ZFP30: variants seen among roughly 807,000 people sequenced by gnomAD.
ZFP30 encodes ZFP30 zinc finger protein.
A neutral mutation model predicts 12.3 loss-of-function variants in ZFP30; 16 were observed. That is an observed-to-expected ratio of 1.30 (90% CI 0.88 to 1.98). The LOEUF (loss-of-function observed/expected upper bound fraction) is 1.98. Among genes scored for constraint, ZFP30 ranks in the 30% most tolerant of loss-of-function variants. ZFP30 has a pLI of 0.00. For missense variants in ZFP30, 560 were observed against 611.2 expected (o/e 0.92, Z 0.88); for synonymous variants, 172 against 201.0 (o/e 0.86, Z 1.22).
Position 37,635,085 on chromosome 19 carries a change from T to C in ZFP30, c.1456A>G (p.Arg486Gly), listed in dbSNP as rs765733938. ...TATGGTTTCTCACCAGAATGAATTC[T>C]CTGATGTTGAATCAGTGATGAATGA... ...RLHSSLIQHQRIHSGEKPYKC... is the reference protein window; with the variant it reads ...RLHSSLIQHQGIHSGEKPYKC... The change falls in exon 6 of 6, where the codon AGA (arginine) becomes GGA (glycine). Residue 486 changes from arginine (R) to glycine (G), a missense_variant. Arg to Gly is a moderately radical substitution (Grantham distance 125). Coordinates refer to ENST00000684514, the MANE Select transcript of ZFP30 (RefSeq NM_001320669.3). 1 of 1,613,456 alleles carries C rather than the reference T, an allele frequency of 6.2e-7. No homozygotes were observed. Among genetic ancestry groups the C allele is most frequent in the African/African-American group, 1.3e-5 (1 of 74,922 alleles).
intron 2 of ZFP30, among the ~76,000 whole-genome samples, chr19:37,654,441 G>A (rs1305007267): frequency 6.6e-6 from 1 of 152,134 alleles, no homozygotes; most frequent in African/African-American, 2.4e-5. Flanking sequence ...TCCAGCACGG[G>A]TATTTCCATA....
chr19:37,644,475 A>G (rs2016811719), intron 4 of ZFP30, 135 bp downstream of exon 4: 5 of 905,240 alleles, frequency 5.5e-6, no homozygotes, highest in Non-Finnish European at 8.0e-6. Context: ...TAGAGGTTGC[A>G]GTAAGCCAAG....
intron 5 of ZFP30, among the ~76,000 whole-genome samples, chr19:37,642,571 T>C (rs1599620381): frequency 6.6e-6 from 1 of 152,198 alleles, no homozygotes; most frequent in Non-Finnish European, 1.5e-5. Flanking sequence ...ACTTGTTTAC[T>C]GTGTGACTCC....
rs773104269 is a variant in ZFP30 at position 37,644,699 on chromosome 19, GA to G, written c.46del (p.Ser16LeufsTer8). Reference protein sequence around the residue: ...VMFRDVAVDFSQEEWECLNSY... With the variant: ...VMFRDVAVDFXQEEWECLNSY... ...GTTCAGGCATTCCCATTCTTCCTGA[GA>G]AAAGTCTACAGCCACATCTCTGAAC... is the stretch of plus-strand genomic sequence containing the variant. On this transcript the variant is annotated frameshift_variant, in exon 4 of 6. Transcript: ENST00000684514. LOFTEE classifies it high-confidence loss of function. The G allele has an allele frequency of 1.9e-6, 3 of 1,613,502 alleles. No homozygotes were observed. The highest frequency in any genetic ancestry group is 2.7e-5 in the African/African-American group (2 of 74,880).
intron 2 of ZFP30, among the ~76,000 whole-genome samples, chr19:37,654,454 A>G (rs983819458): frequency 2.6e-5 from 4 of 152,234 alleles, no homozygotes; most frequent in African/African-American, 9.6e-5. Flanking sequence ...TTTCCATATC[A>G]TCAAGATCCT....
rs114467577 is a variant in ZFP30, at chr19:37,638,597, G to A, written c.236-2292C>T. Among the ~76,000 whole-genome samples the A allele has an allele frequency of 3.2e-3, 482 of 152,240 alleles. 5 individuals carry two copies. The highest frequency in any genetic ancestry group is 0.011 in the African/African-American group (443 of 41,538). ...GAAAGAGTCCAAGTGTTCATCAATG[G>A]AAGAACAGCTAATAAATGATGGCAT... On this transcript the variant is annotated intron_variant, in intron 5 of 5. Transcript: ENST00000684514.
chr19:37,651,067 A>G (rs1285734061), intron 2 of ZFP30, among the ~76,000 whole-genome samples: 1 of 152,104 alleles, frequency 6.6e-6, no homozygotes, highest in Non-Finnish European at 1.5e-5. Context: ...TCTATTTCAG[A>G]GTAAATCAGT....
chr19:37,644,424 C>A (rs2044498271), intron 4 of ZFP30, 186 bp downstream of exon 4: 1 of 445,160 alleles, frequency 2.2e-6, no homozygotes, highest in Non-Finnish European at 3.9e-6. Context: ...GTCCCAGCTA[C>A]TCGGGAGGCT....
In ZFP30 at chr19:37,636,117, G is replaced by C. The variant is rs748516605; in HGVS notation, c.424C>G (p.Leu142Val). ...TSEKMPTYRK[L>V]TSLPLYQKSH... The stretch of plus-strand genomic sequence containing the variant: ...TTCTGATACAGAGGAAGAGATGTGA[G>C]TTTTCTGTAAGTAGGCATTTTTTCA... Residue 142 changes from leucine to valine, a missense_variant, in exon 6 of 6, where the codon CTC (leucine) becomes GTC (valine). Physicochemically the swap from Leu to Val is conservative, Grantham distance 32. Transcript: ENST00000684514. 6.2e-7 allele frequency: 1 copy of C among 1,614,170 alleles called. No individual in the cohort carries two copies. The highest frequency in any genetic ancestry group is 1.1e-5 in the South Asian group (1 of 91,082).
chr19:37,650,721 A>G (rs1171770327), intron 2 of ZFP30, among the ~76,000 whole-genome samples: 1 of 151,324 alleles, frequency 6.6e-6, no homozygotes. Flanking sequence ...TTGTCCTTTC[A>G]ATATGATTTT....
At chr19:37,646,084 C>T (rs1000743002) in intron 3 of ZFP30, among the ~76,000 whole-genome samples, 13 of 152,074 alleles carry the variant, frequency 8.5e-5, no homozygotes, top group East Asian at 7.7e-4. Flanking sequence ...AGTAGCATGA[C>T]GAAATCTCAC....
rs1235717281 is a variant in ZFP30 at position 37,635,927 on chromosome 19, T to C, written c.614A>G (p.Gln205Arg). The C allele has an allele frequency of 1.2e-6, 2 of 1,614,232 alleles. No homozygotes were observed. Among genetic ancestry groups the C allele is most frequent in the African/African-American group, 1.3e-5 (1 of 75,080 alleles). Residue 205 changes from glutamine to arginine, a missense_variant, in exon 6 of 6, where the codon CAG becomes CGG. Gln to Arg is a conservative substitution (Grantham distance 43). Transcript: ENST00000684514. Reference sequence around the variant, plus strand: ...GAGTTTGTCAGAAGTATGAATTCTCTGATGTCGACTGAGGTGGGCACACTG... The same window carrying C: ...GAGTTTGTCAGAAGTATGAATTCTCCGATGTCGACTGAGGTGGGCACACTG... ...FRQCAHLSRH[Q>R]RIHTSDKLYE...
upstream of ZFP30, chr19:37,656,003 G>T (rs575032324): frequency 1.3e-5 from 2 of 152,552 alleles, no homozygotes; most frequent in African/African-American, 4.8e-5. Flanking sequence ...TAGGCCTGTA[G>T]CCGTGACCCT....
intron 5 of ZFP30, among the ~76,000 whole-genome samples, chr19:37,642,834 T>A (rs1407979210): frequency 6.6e-6 from 1 of 151,774 alleles, no homozygotes; most frequent in Non-Finnish European, 1.5e-5. Context: ...GGCGGGTGGA[T>A]CACGAGGTCA....
chr19:37,644,758 T>C (rs2044507655), intron 3 of ZFP30, 22 bp from the exon 4 acceptor site: 1 of 1,598,696 alleles, frequency 6.3e-7, no homozygotes. Flanking sequence ...AACGCATGTA[T>C]TATTTGTAAG....
chr19:37,643,750 G>A (rs1475392630), intron 4 of ZFP30, among the ~76,000 whole-genome samples: 3 of 152,038 alleles, frequency 2.0e-5, no homozygotes, highest in Non-Finnish European at 4.4e-5. Context: ...CATCATATAT[G>A]TTCATGAGGT....
At position 37,645,191 on chromosome 19, in the gene ZFP30, C is replaced by T. The variant is rs551215641; in HGVS notation, c.10-455G>A. On this transcript the variant is annotated intron_variant, in intron 3 of 5. Transcript: ENST00000684514. ...CTGCACTCCAGCCTGGGTGACAGAG[C>T]GACAGAGCGAGACTCCGTCTCAAAA... is the stretch of plus-strand genomic sequence containing the variant. Among the ~76,000 whole-genome samples, 4 of 148,944 alleles carry T rather than the reference C, an allele frequency of 2.7e-5. No individual in the cohort carries two copies. In the South Asian group the frequency reaches 6.3e-4, roughly 24 times the overall value.
rs1253476972 is a variant in ZFP30 at position 37,631,325 on chromosome 19, GC to G, written c.*3655del. On this transcript the variant is annotated 3_prime_UTR_variant, in exon 6 of 6. Coordinates refer to ENST00000684514, the MANE Select transcript of ZFP30 (RefSeq NM_001320669.3). Reference sequence around the variant, plus strand: ...TCTCATTACTTCATTATTTGGAGAAGCTATAGTTTTATTTTCTTAATTATTA... The same window carrying G: ...TCTCATTACTTCATTATTTGGAGAAGTATAGTTTTATTTTCTTAATTATTA... The G allele has an allele frequency of 6.6e-6, 1 of 152,156 alleles. No homozygotes were observed. Among genetic ancestry groups the G allele is most frequent in the Non-Finnish European group, 1.5e-5 (1 of 68,044 alleles). The allele number at this position is 152,156 out of a possible 1,614,324, so 9.4% of individuals were successfully genotyped here.
chr19:37,639,614 T>A (rs371514641), intron 5 of ZFP30, among the ~76,000 whole-genome samples: 3 of 151,766 alleles, frequency 2.0e-5, no homozygotes, highest in Non-Finnish European at 2.9e-5. Context: ...AGAAAGAAAT[T>A]TAAGCCCATA....
Sources: gnomAD v4.1 joint callset for allele counts (sites outside exome capture counted in the v4.1 genomes callset) on GRCh38, gnomAD v4.1.1 for gene constraint, MANE v1.5 for transcripts, NCBI Gene and HGNC (gene_info 2026-07-23, HGNC 2026-07-21) for gene names.